TTLL5: variants seen among roughly 807,000 people sequenced by gnomAD.
The protein encoded by TTLL5 is tubulin tyrosine ligase like 5.
TTLL5 carries 132 observed loss-of-function variants against 168.4 expected under a neutral mutation model. The observed-to-expected ratio is 0.78, with a 90% CI of 0.68 to 0.91. The LOEUF is 0.91. Among genes scored for constraint, TTLL5 ranks in the 40% least tolerant of loss-of-function variants. The probability of loss-of-function intolerance (pLI) is 0.00; values close to 1 mark genes in which losing one functional copy is unlikely to be tolerated. For missense variants in TTLL5, 1,545 were observed against 1,581.5 expected (o/e 0.98, Z 0.39); for synonymous variants, 546 against 558.6 (o/e 0.98, Z 0.32).
chr14:75,914,152 TGTC>T (rs1274053840), intron 31 of TTLL5, among the ~76,000 whole-genome samples: 1 of 150,472 alleles, frequency 6.6e-6, no homozygotes, highest in Non-Finnish European at 1.5e-5. Context: ...TCATTTATCT[TGTC>T]GTTTAAAAAA....
chr14:75,743,743 A>G (rs931365435), intron 15 of TTLL5, among the ~76,000 whole-genome samples: 2 of 151,460 alleles, frequency 1.3e-5, no homozygotes, highest in East Asian at 3.9e-4. Flanking sequence ...CACCACGCCC[A>G]GCTAATTTTT....
intron 9 of TTLL5, chr14:75,711,871 A>ATTCTT (rs1441398904): frequency 2.0e-5 from 3 of 152,256 alleles, no homozygotes; most frequent in Admixed American, 2.0e-4. Context: ...TTTTGAAAGA[A>ATTCTT]TTCAGGTACT....
chr14:75,856,132 G>A (rs1897111807), intron 28 of TTLL5, among the ~76,000 whole-genome samples: 1 of 152,238 alleles, frequency 6.6e-6, no homozygotes, highest in African/African-American at 2.4e-5. Context: ...GGAGGCCGAG[G>A]CGGGCTGATC....
chr14:75,818,832 T>C (rs1204746256), intron 27 of TTLL5, among the ~76,000 whole-genome samples: 1 of 152,132 alleles, frequency 6.6e-6, no homozygotes, highest in Non-Finnish European at 1.5e-5. Flanking sequence ...ATACGTAATA[T>C]TGTCTTACTT....
intron 8 of TTLL5, among the ~76,000 whole-genome samples, chr14:75,707,422 T>G (rs1049586872): frequency 6.6e-6 from 1 of 152,078 alleles, no homozygotes; most frequent in Admixed American, 6.6e-5. Context: ...TATTATGTAC[T>G]ATATACATAA....
At chr14:75,724,815 A>G (rs951722881) in intron 12 of TTLL5, among the ~76,000 whole-genome samples, 1 of 152,212 alleles carries the variant, frequency 6.6e-6, no homozygotes, top group African/African-American at 2.4e-5. Flanking sequence ...CATGTGAAAT[A>G]ATATGCTTAA....
chr14:75,691,288 G>A (rs1885447335), intron 6 of TTLL5, among the ~76,000 whole-genome samples: 2 of 152,130 alleles, frequency 1.3e-5, no homozygotes, highest in African/African-American at 2.4e-5. Context: ...AGGCAGAGGC[G>A]CTGGGCTGGT....
At chr14:75,663,523 G>C (rs1463991772) in intron 2 of TTLL5, among the ~76,000 whole-genome samples, 3 of 152,170 alleles carry the variant, frequency 2.0e-5, no homozygotes, top group African/African-American at 7.2e-5. Context: ...CTCTTGCTCA[G>C]AACTCCCAAC....
rs139920067 is a variant in TTLL5, at chr14:75,807,474, G to A, written c.3172-12533G>A. 4.1e-3 allele frequency among the ~76,000 whole-genome samples: 621 copies of A among 152,260 alleles called. 3 individuals are homozygous for A. Among genetic ancestry groups the A allele is most frequent in the East Asian group, 0.014 (71 of 5,178 alleles). On this transcript the variant is annotated intron_variant, in intron 27 of 31. Coordinates refer to ENST00000298832, the MANE Select transcript of TTLL5 (RefSeq NM_015072.5). Reference sequence around the variant, plus strand: ...TTTTTTCATTGATAACACCATACCTGCCCTTCATAATTAAGCAGTTGACAT... The same window carrying A: ...TTTTTTCATTGATAACACCATACCTACCCTTCATAATTAAGCAGTTGACAT...
At chr14:75,793,122 C>A in intron 27 of TTLL5, 22 bp downstream of exon 27, 1 of 1,551,734 alleles carries the variant, frequency 6.4e-7, no homozygotes, top group South Asian at 1.2e-5. Flanking sequence ...CTGGGGTGTC[C>A]AAGAGCTCTT....
intron 31 of TTLL5, among the ~76,000 whole-genome samples, chr14:75,937,527 C>T (rs1162348286): frequency 6.6e-6 from 1 of 152,134 alleles, no homozygotes; most frequent in African/African-American, 2.4e-5. Context: ...TCCTCATTCC[C>T]TTTTGCCCCC....
chr14:75,903,795 T>G (rs1323942579), intron 31 of TTLL5, among the ~76,000 whole-genome samples: 1 of 151,496 alleles, frequency 6.6e-6, no homozygotes, highest in Non-Finnish European at 1.5e-5. Flanking sequence ...CTCAAGAGGC[T>G]GAGGTGGGAG....
At chr14:75,924,289 G>GTTT (rs753773184) in intron 31 of TTLL5, among the ~76,000 whole-genome samples, 8 of 143,578 alleles carry the variant, frequency 5.6e-5, no homozygotes, top group African/African-American at 1.3e-4. Context: ...TATTTTGCCT[G>GTTT]TTTTTTTTTT....
chr14:75,874,911 GAAAA>G (rs202080908), intron 29 of TTLL5, among the ~76,000 whole-genome samples: 23 of 114,712 alleles, frequency 2.0e-4, no homozygotes, highest in South Asian at 2.0e-3. Context: ...GTGACACAGA[GAAAA>G]AAAAAGACAC....
At chr14:75,790,932 T>TA (rs778260505) in intron 26 of TTLL5, among the ~76,000 whole-genome samples, 5,798 of 97,256 alleles carry the variant, frequency 0.06, 193 homozygotes, top group African/African-American at 0.13. Context: ...CCATCTCTAC[T>TA]AAAAAAAAAA....
intron 26 of TTLL5, among the ~76,000 whole-genome samples, chr14:75,787,912 A>C: frequency 6.6e-6 from 1 of 152,350 alleles, no homozygotes; most frequent in Non-Finnish European, 1.5e-5. Flanking sequence ...TAAATTATTA[A>C]GTTTTAGAAC....
intron 9 of TTLL5, among the ~76,000 whole-genome samples, chr14:75,717,413 C>T (rs1887541316): frequency 6.6e-6 from 1 of 152,240 alleles, no homozygotes; most frequent in African/African-American, 2.4e-5. Context: ...CCATGCCCAG[C>T]CAGTTGTTAT....
intron 7 of TTLL5, 39 bp downstream of exon 7, chr14:75,699,309 G>A (rs576062139): frequency 1.3e-6 from 2 of 1,534,362 alleles, no homozygotes; most frequent in South Asian, 1.1e-5. Flanking sequence ...CTCCTCACTT[G>A]TTCTTTCCTC....
intron 17 of TTLL5, among the ~76,000 whole-genome samples, chr14:75,752,494 T>G (rs927448958): frequency 6.6e-6 from 1 of 152,192 alleles, no homozygotes. Context: ...ATTGAAACAG[T>G]CTCTTATCTA....
Sources: allele counts gnomAD v4.1 joint callset (sites outside exome capture counted in the v4.1 genomes callset), GRCh38; gene constraint gnomAD v4.1.1; transcripts MANE v1.5; gene names NCBI Gene and HGNC (gene_info 2026-07-23, HGNC 2026-07-21).